The following TNPO2 variants were observed in gnomAD, a reference collection of about 807,000 sequenced individuals.
The protein encoded by TNPO2 is transportin-2.
TNPO2 carries 16 observed loss-of-function variants against 111.1 expected under a neutral mutation model. The observed-to-expected ratio is 0.14, with a 90% confidence interval of 0.10 to 0.22. TNPO2 has a LOEUF of 0.22. Ranked by LOEUF, TNPO2 falls within the 10% of genes least tolerant of loss-of-function variation. The probability of loss-of-function intolerance (pLI) is 1.00; values close to 1 mark genes in which losing one functional copy is unlikely to be tolerated. For missense variants in TNPO2, 530 were observed against 1,173.7 expected (o/e 0.45, Z 8.01); for synonymous variants, 481 against 475.8 (o/e 1.01, Z -0.14).
Position 12,702,161 on chromosome 19 carries a change from G to A in TNPO2, c.2322C>T (p.Pro774=). 1.9e-6 allele frequency: 3 copies of A among 1,613,244 alleles called. No homozygotes were observed. Among genetic ancestry groups the A allele is most frequent in the Non-Finnish European group, 2.5e-6 (3 of 1,179,742 alleles). ...LLENTGRLTS[P]SAIPAITIGR... ...CGATGGTGATGGCTGGAATGGCAGAGGGACTCGTCAGGCGACCTGCAACCC... is the reference window on the plus strand; with the variant it reads ...CGATGGTGATGGCTGGAATGGCAGAAGGACTCGTCAGGCGACCTGCAACCC... The change falls in exon 22 of 26, where the codon CCC becomes CCT. Residue 774 remains proline, a synonymous_variant. Coordinates refer to ENST00000425528, the MANE Select transcript of TNPO2 (RefSeq NM_001382241.1). This position sits in a 1 kb window ranked among gnomAD's most constrained non-coding sequence, Gnocchi z 5.5.
At chr19:12,707,259 A>G (rs1266118957) in intron 13 of TNPO2, among the ~76,000 whole-genome samples, 1 of 152,106 alleles carries the variant, frequency 6.6e-6, no homozygotes, top group South Asian at 2.1e-4. Context: ...GGCCTCCCAA[A>G]GTGCTGGGAT....
chr19:12,714,948 G>A lies in TNPO2; in HGVS notation c.772-9C>T, dbSNP rs1196437884. ...GTCCTCTGCAGCATGTACTGTGGTA[G>A]GGGGGAGAAGCTGAGGCCTGGCCTG... On this transcript the variant is annotated splice_polypyrimidine_tract_variant and intron_variant, in intron 9 of 25. Coordinates refer to ENST00000425528, the MANE Select transcript of TNPO2 (RefSeq NM_001382241.1). 2 of 1,606,590 alleles carry A rather than the reference G, an allele frequency of 1.2e-6. No homozygotes were observed. Among genetic ancestry groups the A allele is most frequent in the Non-Finnish European group, 1.7e-6 (2 of 1,176,854 alleles).
rs1041906803 is a variant in TNPO2 at position 12,705,041 on chromosome 19, G to A, written c.2022+199C>T. 6.6e-6 allele frequency among the ~76,000 whole-genome samples: 1 copy of A among 151,750 alleles called. No individual in the cohort carries two copies. The highest frequency in any genetic ancestry group is 1.5e-5 in the Non-Finnish European group (1 of 67,918). On this transcript the variant is annotated intron_variant, in intron 18 of 25. Coordinates refer to ENST00000425528, the MANE Select transcript of TNPO2 (RefSeq NM_001382241.1). The surrounding 1 kb of genome is among the most constrained non-coding windows in gnomAD (Gnocchi z 7.2). Reference sequence around the variant, plus strand: ...TTTTTTTTTTTAATTTTAGAACTGGGGTTTCACTATGTTGCCCAGGCTGGT... The same window carrying A: ...TTTTTTTTTTTAATTTTAGAACTGGAGTTTCACTATGTTGCCCAGGCTGGT...
At position 12,700,155 on chromosome 19, in the gene TNPO2, A is replaced by G. The variant is rs2025204737; in HGVS notation, c.*1109T>C. ...GGAGATGGAATAGGGAACAGGGGAC[A>G]CACCACCTTTCCCTTCCACCAAGCC... On this transcript the variant is annotated 3_prime_UTR_variant, in exon 26 of 26. Transcript: ENST00000425528. 1 of 152,180 alleles carries G rather than the reference A, an allele frequency of 6.6e-6. No homozygotes were observed. Among genetic ancestry groups the G allele is most frequent in the South Asian group, 2.1e-4 (1 of 4,834 alleles). The allele number at this position is 152,180 out of a possible 1,614,324, so 9.4% of individuals were successfully genotyped here.
Position 12,701,858 on chromosome 19 carries a change from G to A in TNPO2, c.2412-7C>T. The A allele has an allele frequency of 6.2e-7, 1 of 1,611,194 alleles. No individual in the cohort carries two copies. Among genetic ancestry groups the A allele is most frequent in the South Asian group, 1.1e-5 (1 of 91,048 alleles). On this transcript the variant is annotated splice_polypyrimidine_tract_variant and splice_region_variant and intron_variant, in intron 22 of 25. Transcript: ENST00000425528. This position sits in a 1 kb window ranked among gnomAD's most constrained non-coding sequence, Gnocchi z 5.0. ...GTTCCTGAGGGACGTGCACCTGTGG[G>A]AAGGTGAGCAGCTGGAGGTCAGAGG...
chr19:12,717,129 C>A (rs956664368), intron 5 of TNPO2, among the ~76,000 whole-genome samples: 4 of 145,884 alleles, frequency 2.7e-5, no homozygotes, highest in African/African-American at 8.5e-5. Context: ...GTGCTCCCTG[C>A]AATGGGTAGG....
chr19:12,718,250 C>G (rs974968682), intron 5 of TNPO2, among the ~76,000 whole-genome samples: 2 of 152,006 alleles, frequency 1.3e-5, no homozygotes, highest in African/African-American at 4.8e-5. Context: ...ACTGTAACCT[C>G]CAACTCCTGG....
rs528034998 is a variant in TNPO2 at position 12,715,187 on chromosome 19, G to A, written c.649-18C>T. 1.3e-5 allele frequency: 21 copies of A among 1,613,422 alleles called. No homozygotes were observed. The highest frequency in any genetic ancestry group is 1.1e-4 in the South Asian group (10 of 91,058). Reference sequence around the variant, plus strand: ...AATAGGTGCTGCAGGGAGGAACAGGGTCAGTTGTAGGGGCCCTCAGTCCTC... The same window carrying A: ...AATAGGTGCTGCAGGGAGGAACAGGATCAGTTGTAGGGGCCCTCAGTCCTC... On this transcript the variant is annotated intron_variant, in intron 8 of 25. Transcript: ENST00000425528. This position sits in a 1 kb window ranked among gnomAD's most constrained non-coding sequence, Gnocchi z 7.1.
At chr19:12,709,330 C>A (rs1370076102) in intron 13 of TNPO2, among the ~76,000 whole-genome samples, 4 of 152,160 alleles carry the variant, frequency 2.6e-5, no homozygotes, top group African/African-American at 4.8e-5. Context: ...CCACTGCACC[C>A]CAGCCTGGCG....
rs2025216018 is a variant in TNPO2, at chr19:12,700,327, C to G, written c.*937G>C. ...GAGAAACGGACTGCCCCTGAAGCTG[C>G]TTACAGAGAGAGATGCTCGGGGTAG... On this transcript the variant is annotated 3_prime_UTR_variant, in exon 26 of 26. Coordinates refer to ENST00000425528, the MANE Select transcript of TNPO2 (RefSeq NM_001382241.1). 2 of 152,178 alleles carry G rather than the reference C, an allele frequency of 1.3e-5. No individual in the cohort carries two copies. Among genetic ancestry groups the G allele is most frequent in the African/African-American group, 4.8e-5 (2 of 41,412 alleles). 9.4% of individuals were successfully genotyped at this position (152,178 alleles called of 1,614,324 possible).
intron 19 of TNPO2, 43 bp from the exon 20 acceptor site, chr19:12,703,569 G>C: frequency 2.5e-6 from 4 of 1,603,034 alleles, no homozygotes; most frequent in South Asian, 1.1e-5. Context: ...GGGCCAGCCA[G>C]GGTAAGCTGC....
At position 12,714,849 on chromosome 19, in the gene TNPO2, T is replaced by C; in HGVS notation, c.862A>G (p.Lys288Glu). The C allele has an allele frequency of 6.2e-7, 1 of 1,613,796 alleles. No homozygotes were observed. The highest frequency in any genetic ancestry group is 1.3e-5 in the African/African-American group (1 of 75,016). The stretch of plus-strand genomic sequence containing the variant: ...ACCAGATGGGAGGCCAGGACTTCCT[T>C]GCAGATGGGCTGCTCGGCCAGCGTC... ...WLTLAEQPIC[K>E]EVLASHLVQL... is the part of the protein sequence containing the mutation. The change falls in exon 10 of 26, where the codon AAG becomes GAG. Residue 288 changes from lysine to glutamate, a missense_variant. Physicochemically the swap from Lys to Glu is moderately conservative, Grantham distance 56 (BLOSUM62 1). Transcript: ENST00000425528.
At chr19:12,717,534 G>T (rs903023190) in intron 5 of TNPO2, among the ~76,000 whole-genome samples, 1 of 151,754 alleles carries the variant, frequency 6.6e-6, no homozygotes, top group Non-Finnish European at 1.5e-5. Context: ...AGCCTCCCAA[G>T]GTGCTGGGAT....
intron 13 of TNPO2, among the ~76,000 whole-genome samples, chr19:12,707,965 C>T (rs1273995133): frequency 1.3e-5 from 2 of 152,006 alleles, no homozygotes; most frequent in African/African-American, 2.4e-5. Context: ...GGACTACAGG[C>T]GTGGGCCACC....
chr19:12,706,520 AGGGTGGCC>A lies in TNPO2; in HGVS notation c.1496+42_1496+49del, dbSNP rs1186105138. On this transcript the variant is annotated intron_variant, in intron 14 of 25. Coordinates refer to ENST00000425528, the MANE Select transcript of TNPO2 (RefSeq NM_001382241.1). This position sits in a 1 kb window ranked among gnomAD's most constrained non-coding sequence, Gnocchi z 7.0. ...AGTCACAGGTGTCATCACTTCCCAG[AGGGTGGCC>A]GGGGGAGAGTGGGGGCTGTGGGATC... The A allele has an allele frequency of 1.3e-6, 2 of 1,599,182 alleles. No individual in the cohort carries two copies.
intron 13 of TNPO2, among the ~76,000 whole-genome samples, chr19:12,709,748 G>A (rs936310129): frequency 1.3e-5 from 2 of 150,784 alleles, no homozygotes; most frequent in African/African-American, 4.9e-5. Flanking sequence ...CTCCCAAAGT[G>A]CTAGGATTAC....
intron 5 of TNPO2, among the ~76,000 whole-genome samples, chr19:12,717,109 C>T (rs10412390): frequency 0.16 from 23,402 of 150,718 alleles, 5,751 homozygotes; most frequent in African/African-American, 0.52. Flanking sequence ...GGAAACTCAA[C>T]GAGAGAAAGG....
chr19:12,712,650 G>C (rs1172601924), intron 10 of TNPO2, among the ~76,000 whole-genome samples: 1 of 152,314 alleles, frequency 6.6e-6, no homozygotes, highest in East Asian at 1.9e-4. Flanking sequence ...AGGGCCCCCT[G>C]TCCAGTGGAC....
At chr19:12,722,128 A>G (rs1967012935) in intron 2 of TNPO2, 1 of 122,894 alleles carries the variant, frequency 8.1e-6, no homozygotes, top group Non-Finnish European at 1.7e-5. Flanking sequence ...AGGCCCCTAC[A>G]CACACCCGAT....
Sources: gnomAD v4.1 joint callset for allele counts (sites outside exome capture counted in the v4.1 genomes callset) on GRCh38, gnomAD v4.1.1 for gene constraint, Gnocchi (gnomAD v3.1) non-coding constraint, MANE v1.5 for transcripts, NCBI Gene and HGNC (gene_info 2026-07-23, HGNC 2026-07-21) for gene names.